The following ARHGEF10L variants were observed in gnomAD, a reference collection of about 807,000 sequenced individuals.
ARHGEF10L encodes the protein rho guanine nucleotide exchange factor 10-like protein.
ARHGEF10L carries 69 observed loss-of-function variants against 141.2 expected under a neutral mutation model. The observed-to-expected ratio is 0.49, with a 90% confidence interval of 0.40 to 0.60. ARHGEF10L has a LOEUF of 0.60. Ranked by LOEUF, ARHGEF10L falls within the 20% of genes least tolerant of loss-of-function variation. The pLI is 0.00. For missense variants in ARHGEF10L, 1,482 were observed against 1,734.3 expected, an observed-to-expected ratio of 0.85 and a Z score of 2.58; for synonymous variants, 711 against 718.5, an observed-to-expected ratio of 0.99 and a Z score of 0.17.
intron 1 of ARHGEF10L, among the ~76,000 whole-genome samples, chr1:17,566,859 A>AG (rs1268231315): frequency 6.6e-6 from 1 of 152,136 alleles, no homozygotes; most frequent in Non-Finnish European, 1.5e-5. Flanking sequence ...TGAATGAGCA[A>AG]GGGGGGGTTG....
intron 5 of ARHGEF10L, among the ~76,000 whole-genome samples, chr1:17,602,701 T>C (rs1047006971): frequency 6.6e-6 from 1 of 152,012 alleles, no homozygotes; most frequent in Non-Finnish European, 1.5e-5. Flanking sequence ...GGGAGCGTTA[T>C]GGGGTGAGGT....
chr1:17,637,460 C>T (rs762045977), intron 18 of ARHGEF10L, among the ~76,000 whole-genome samples: 11 of 152,076 alleles, frequency 7.2e-5, no homozygotes, highest in Admixed American at 2.6e-4. Context: ...CTAGTCTGGG[C>T]GCTCTGGTCA....
At chr1:17,584,009 A>G (rs558196913) in intron 2 of ARHGEF10L, among the ~76,000 whole-genome samples, 17 of 151,718 alleles carry the variant, frequency 1.1e-4, no homozygotes, top group Non-Finnish European at 2.2e-4. Context: ...ATACCACCAC[A>G]CCCAGCCGAT....
the ARHGEF10L span, among the ~76,000 whole-genome samples, chr1:17,530,257 C>T: frequency 2.0e-5 from 3 of 152,136 alleles, no homozygotes; most frequent in Non-Finnish European, 4.4e-5. Context: ...AACTATCATG[C>T]TGGCTTACCT....
At chr1:17,631,169 T>A (rs1306880747) in intron 15 of ARHGEF10L, among the ~76,000 whole-genome samples, 1 of 152,150 alleles carries the variant, frequency 6.6e-6, no homozygotes, top group Non-Finnish European at 1.5e-5. Flanking sequence ...GGGTGATCTG[T>A]CCTTTTCCCA....
rs79537896 is a variant in ARHGEF10L at position 17,546,425 on chromosome 1, T to C, written c.-44+6475T>C. Among the ~76,000 whole-genome samples, 1,083 of 152,338 alleles carry C rather than the reference T, an allele frequency of 7.1e-3. 15 individuals are homozygous for C. Among genetic ancestry groups the C allele is most frequent in the East Asian group, 0.041 (214 of 5,184 alleles). ...GCCTATAGGTGCCAGATATTTTTCA[T>C]GCATCAATTCATTTAATTTCCATGC... is the stretch of plus-strand genomic sequence containing the variant. On this transcript the variant is annotated intron_variant, in intron 1 of 28. Transcript: ENST00000361221.
chr1:17,675,863 C>T lies in ARHGEF10L; in HGVS notation c.3009+11268C>T, dbSNP rs561465708. Reference sequence around the variant, plus strand: ...TCAGGTGTGGGTGCAGGTGTGGGTACAGGTGTGGGTGCAGGTGTAGGTGCA... The same window carrying T: ...TCAGGTGTGGGTGCAGGTGTGGGTATAGGTGTGGGTGCAGGTGTAGGTGCA... On this transcript the variant is annotated intron_variant, in intron 26 of 28. Transcript: ENST00000361221. 1.1e-4 allele frequency among the ~76,000 whole-genome samples: 16 copies of T among 140,662 alleles called. No homozygotes were observed. The South Asian group carries it at 3.2e-3, about 29-fold the overall frequency. The allele number at this position is 140,662 out of a possible 152,430, so 92.3% of individuals were successfully genotyped here. A position where few individuals can be genotyped will look rare whatever the true frequency, so the allele number is the denominator to read the frequency against.
At chr1:17,658,793 G>T (rs563644860) in intron 25 of ARHGEF10L, among the ~76,000 whole-genome samples, 1 of 152,018 alleles carries the variant, frequency 6.6e-6, no homozygotes, top group African/African-American at 2.4e-5. Flanking sequence ...AAAGAGTGTT[G>T]TGTGAGAGCC....
At chr1:17,647,019 G>A (rs958957312) in intron 21 of ARHGEF10L, among the ~76,000 whole-genome samples, 2 of 152,064 alleles carry the variant, frequency 1.3e-5, no homozygotes, top group Admixed American at 6.6e-5. Context: ...TGTAGTGTCA[G>A]GGGGCCCCAG....
At chr1:17,650,107 G>A (rs768659193) in intron 22 of ARHGEF10L, among the ~76,000 whole-genome samples, 12 of 152,170 alleles carry the variant, frequency 7.9e-5, no homozygotes, top group Non-Finnish European at 1.8e-4. Flanking sequence ...AGAGTGAATT[G>A]CAGATAAGAA....
At chr1:17,522,748 G>A in the ARHGEF10L span, among the ~76,000 whole-genome samples, 1 of 151,898 alleles carries the variant, frequency 6.6e-6, no homozygotes, top group African/African-American at 2.4e-5. Context: ...TGAGACTTTG[G>A]GACTTTCAGG....
chr1:17,537,889 A>G (rs1035416620), upstream of ARHGEF10L, among the ~76,000 whole-genome samples: 3 of 151,514 alleles, frequency 2.0e-5, no homozygotes, highest in African/African-American at 7.3e-5. Flanking sequence ...GAAAAGAAAA[A>G]AAAAATGAGC....
intron 25 of ARHGEF10L, among the ~76,000 whole-genome samples, chr1:17,661,223 G>A (rs566866954): frequency 1.4e-4 from 21 of 152,168 alleles, no homozygotes; most frequent in Admixed American, 3.9e-4. Context: ...GATTACAGGC[G>A]CACACCACCA....
At chr1:17,668,810 T>TA (rs145980132) in intron 26 of ARHGEF10L, among the ~76,000 whole-genome samples, 9,595 of 152,270 alleles carry the variant, frequency 0.063, 809 homozygotes, top group African/African-American at 0.18. Context: ...GCGTATTTAA[T>TA]AAGCCATGCT....
At chr1:17,634,483 C>T in intron 16 of ARHGEF10L, 65 bp from the exon 17 acceptor site, 1 of 1,613,824 alleles carries the variant, frequency 6.2e-7, no homozygotes. Context: ...AGCGGGGTCA[C>T]AGCCCCCAGA....
the ARHGEF10L span, among the ~76,000 whole-genome samples, chr1:17,514,992 C>T: frequency 3.3e-5 from 5 of 152,136 alleles, no homozygotes; most frequent in African/African-American, 9.7e-5. Context: ...CTTCTTTTTG[C>T]GGAGCATGAG....
chr1:17,636,799 A>C (rs1210293189), intron 18 of ARHGEF10L, among the ~76,000 whole-genome samples: 1 of 152,052 alleles, frequency 6.6e-6, no homozygotes, highest in Non-Finnish European at 1.5e-5. Context: ...TGAAAACCCC[A>C]AATAAGGCTT....
At chr1:17,584,619 C>T (rs766079157) in intron 2 of ARHGEF10L, among the ~76,000 whole-genome samples, 8 of 152,130 alleles carry the variant, frequency 5.3e-5, no homozygotes, top group Non-Finnish European at 1.2e-4. Flanking sequence ...TCTATGGCAG[C>T]GTGCAGTAGA....
chr1:17,580,669 T>C (rs934245391), intron 2 of ARHGEF10L, 37 bp downstream of exon 2: 2 of 1,613,928 alleles, frequency 1.2e-6, no homozygotes, highest in African/African-American at 2.7e-5. Flanking sequence ...TCTCATCCTT[T>C]CTTAGAAGGG....
Sources: gnomAD v4.1 joint callset for allele counts (sites outside exome capture counted in the v4.1 genomes callset) on GRCh38, gnomAD v4.1.1 for gene constraint, MANE v1.5 for transcripts, NCBI Gene and HGNC (gene_info 2026-07-23, HGNC 2026-07-21) for gene names.